ADAM9: variants seen among roughly 807,000 people sequenced by gnomAD.
ADAM9 encodes the protein disintegrin and metalloproteinase domain-containing protein 9.
In ADAM9, 54 loss-of-function variants were observed where a neutral mutation model predicts 108.1. That is an observed-to-expected ratio of 0.50 (90% confidence interval 0.40 to 0.63). ADAM9 has a LOEUF of 0.63. ADAM9 is among the 20% of genes least tolerant of loss of function. The pLI is 0.00. For missense variants in ADAM9, 830 were observed against 997.7 expected, an observed-to-expected ratio of 0.83 and a Z score of 2.26; for synonymous variants, 316 against 336.0, an observed-to-expected ratio of 0.94 and a Z score of 0.65.
chr8:39,094,718 G>C (rs1273597705), intron 20 of ADAM9, among the ~76,000 whole-genome samples: 1 of 151,970 alleles, frequency 6.6e-6, no homozygotes, highest in Non-Finnish European at 1.5e-5. Context: ...ATTGTTCATA[G>C]CAGTCTCTTA....
chr8:39,019,692 A>G (rs1159458199), intron 7 of ADAM9, among the ~76,000 whole-genome samples: 1 of 152,220 alleles, frequency 6.6e-6, no homozygotes, highest in Admixed American at 6.5e-5. Context: ...TTATTTGTGG[A>G]AACTTACTAT....
chr8:39,070,467 A>G (rs1426996154), intron 14 of ADAM9, among the ~76,000 whole-genome samples: 3 of 152,138 alleles, frequency 2.0e-5, no homozygotes, highest in Non-Finnish European at 4.4e-5. Context: ...ATTCCTTCAT[A>G]TGTTTCCAAC....
At chr8:39,001,836 A>G (rs974906760) in intron 1 of ADAM9, among the ~76,000 whole-genome samples, 1 of 151,924 alleles carries the variant, frequency 6.6e-6, no homozygotes, top group Non-Finnish European at 1.5e-5. Context: ...CACCTGGCTA[A>G]ATTTTGTATT....
rs765400681 is a variant in ADAM9 at position 39,011,692 on chromosome 8, A to G, written c.230A>G (p.His77Arg). The change falls in exon 3 of 22, where the codon CAT (histidine) becomes CGT (arginine). Residue 77 changes from histidine to arginine, a missense_variant. This residue lies in a region of ADAM9 where 211 missense variants were observed against 222.2 expected (regional missense o/e 0.95). Transcript: ENST00000487273. Reference protein sequence around the residue: ...SYVIQAEGKEHIIHLERNKDL... With the variant: ...SYVIQAEGKERIIHLERNKDL... Reference sequence around the variant, plus strand: ...GTTATTCAGGCTGAAGGAAAAGAGCATATTATTCACTTGGAAAGGAACAAG... The same window carrying G: ...GTTATTCAGGCTGAAGGAAAAGAGCGTATTATTCACTTGGAAAGGAACAAG... The G allele has an allele frequency of 5.6e-6, 9 of 1,611,876 alleles. No individual in the cohort carries two copies. Among genetic ancestry groups the G allele is most frequent in the Non-Finnish European group, 6.8e-6 (8 of 1,178,130 alleles).
intron 1 of ADAM9, among the ~76,000 whole-genome samples, chr8:38,999,133 C>T (rs1038502002): frequency 6.6e-6 from 1 of 152,022 alleles, no homozygotes; most frequent in African/African-American, 2.4e-5. Flanking sequence ...AATCAGCTGA[C>T]CACATTTTTG....
rs750655921 is a variant in ADAM9, at chr8:39,090,110, T to A, written c.2132T>A (p.Val711Asp). Residue 711 changes from valine to aspartate, a missense_variant, in exon 19 of 22, where the codon GTC becomes GAC. Around this residue, in one of 3 missense-constraint regions of ADAM9, gnomAD observed 238 missense variants for 235.7 expected, o/e 1.01. Transcript: ENST00000487273. Reference protein sequence around the residue: ...VFFFLIVPLIVCAIFIFIKRD... With the variant: ...VFFFLIVPLIDCAIFIFIKRD... ...TTCTTCCTAATTGTTCCCCTTATTG[T>A]CTGTGCTATTTTTATCTTCATCAAG... 1 of 1,613,944 alleles carries A rather than the reference T, an allele frequency of 6.2e-7. No individual in the cohort carries two copies. Among genetic ancestry groups the A allele is most frequent in the Non-Finnish European group, 8.5e-7 (1 of 1,179,884 alleles).
At chr8:39,060,330 G>A (rs12546403) in intron 14 of ADAM9, among the ~76,000 whole-genome samples, 17,502 of 152,222 alleles carry the variant, frequency 0.11, 1,176 homozygotes, top group South Asian at 0.2. Flanking sequence ...GATCAAGTGG[G>A]CTAAGCAGCA....
At chr8:39,090,793 C>A (rs1388701573) in intron 19 of ADAM9, among the ~76,000 whole-genome samples, 1 of 152,192 alleles carries the variant, frequency 6.6e-6, no homozygotes, top group Non-Finnish European at 1.5e-5. Context: ...AGTTTGAGTT[C>A]CATAACTACA....
chr8:39,065,486 C>G (rs1302233406), intron 14 of ADAM9, among the ~76,000 whole-genome samples: 1 of 151,568 alleles, frequency 6.6e-6, no homozygotes, highest in Non-Finnish European at 1.5e-5. Flanking sequence ...AACCCTGTCT[C>G]TACTAAAAAT....
chr8:39,007,689 C>T (rs1439100617), intron 1 of ADAM9, among the ~76,000 whole-genome samples, 197 bp from the exon 2 acceptor site: 1 of 152,164 alleles, frequency 6.6e-6, no homozygotes, highest in African/African-American at 2.4e-5. Flanking sequence ...ACATTTTCCT[C>T]CCTCATACTT....
intron 11 of ADAM9, among the ~76,000 whole-genome samples, chr8:39,037,462 T>G (rs903749946): frequency 2.8e-5 from 4 of 144,018 alleles, no homozygotes; most frequent in African/African-American, 1.0e-4. Context: ...GTGTGTGTTT[T>G]TTTTTTTTTT....
intron 8 of ADAM9, 111 bp downstream of exon 8, chr8:39,021,825 C>T (rs1836751118): frequency 2.2e-6 from 2 of 926,172 alleles, no homozygotes; most frequent in South Asian, 1.3e-5. Context: ...GCCTCAATGA[C>T]TTAGTCTTTC....
chr8:39,007,154 C>T (rs1355452378), intron 1 of ADAM9, among the ~76,000 whole-genome samples: 2 of 152,108 alleles, frequency 1.3e-5, no homozygotes, highest in South Asian at 2.1e-4. Flanking sequence ...GCGGAGCTGG[C>T]GGGTACAGAG....
At chr8:39,014,134 TGCACAGCCCCACAGG>T (rs765200165) in intron 4 of ADAM9, 91 bp downstream of exon 4, 26 of 1,017,268 alleles carry the variant, frequency 2.6e-5, no homozygotes, top group Non-Finnish European at 3.9e-5. Flanking sequence ...ACTGTTACAT[TGCACAGCCCCACAGG>T]GTACCTTTAA....
At chr8:39,087,845 A>G (rs896403305) in intron 18 of ADAM9, among the ~76,000 whole-genome samples, 3 of 152,186 alleles carry the variant, frequency 2.0e-5, no homozygotes, top group Non-Finnish European at 4.4e-5. Flanking sequence ...CATAGTTGAA[A>G]ACCCATGTGT....
intron 20 of ADAM9, among the ~76,000 whole-genome samples, chr8:39,101,508 A>G (rs1839692867): frequency 6.6e-6 from 1 of 152,226 alleles, no homozygotes; most frequent in South Asian, 2.1e-4. Context: ...CTGAGAGAGT[A>G]ACACCTTTGC....
chr8:39,077,176 T>C, intron 15 of ADAM9, 52 bp from the exon 16 acceptor site: 1 of 1,595,882 alleles, frequency 6.3e-7, no homozygotes, highest in Non-Finnish European at 8.6e-7. Flanking sequence ...TTTTTTCTTT[T>C]GTTATGTATA....
At chr8:39,065,288 C>T (rs1838424239) in intron 14 of ADAM9, among the ~76,000 whole-genome samples, 2 of 149,348 alleles carry the variant, frequency 1.3e-5, no homozygotes. Context: ...GTTTTCATTT[C>T]AGGCACTATG....
chr8:39,009,803 G>A (rs1399718228), intron 2 of ADAM9, among the ~76,000 whole-genome samples: 1 of 150,480 alleles, frequency 6.6e-6, no homozygotes, highest in African/African-American at 2.4e-5. Context: ...CACCATTTAG[G>A]TATTGGGGAT....
Sources: allele counts gnomAD v4.1 joint callset (sites outside exome capture counted in the v4.1 genomes callset), GRCh38; gene constraint gnomAD v4.1.1; regional missense constraint gnomAD v4.1.1; transcripts MANE v1.5; gene names NCBI Gene and HGNC (gene_info 2026-07-23, HGNC 2026-07-21).